Variants in PCNX2 observed in about 807,000 individuals in gnomAD.
PCNX2 encodes pecanex 2.
A neutral mutation model predicts 223.8 loss-of-function variants in PCNX2; 168 were observed. The ratio of observed to expected loss-of-function variants is 0.75; its 90% CI spans 0.66 to 0.85. The LOEUF (loss-of-function observed/expected upper bound fraction) is 0.85. PCNX2 is among the 40% of genes least tolerant of loss of function. PCNX2 has a pLI of 0.00. For synonymous variants in PCNX2, 1,006 were observed against 1,052.6 expected (o/e 0.96, Z 0.86); for missense variants, 2,507 against 2,675.5 (o/e 0.94, Z 1.39).
At position 233,227,210 on chromosome 1, in the gene PCNX2, A is replaced by C; in HGVS notation, c.2504+16T>G. 6.2e-7 allele frequency: 1 copy of C among 1,608,886 alleles called. No individual in the cohort carries two copies. On this transcript the variant is annotated intron_variant, in intron 10 of 33. Transcript: ENST00000258229. Reference sequence around the variant, plus strand: ...GTGTGCCTTCCGACAGTGTGTGTGCATGCTCAGTGGCTTACCGATCAAGTA... The same window carrying C: ...GTGTGCCTTCCGACAGTGTGTGTGCCTGCTCAGTGGCTTACCGATCAAGTA...
intron 21 of PCNX2, among the ~76,000 whole-genome samples, chr1:233,109,680 A>C (rs1675000361): frequency 1.3e-5 from 2 of 152,234 alleles, no homozygotes; most frequent in South Asian, 4.1e-4. Context: ...GAGTATCCAA[A>C]ACCTTCAGAG....
At position 233,091,728 on chromosome 1, in the gene PCNX2, C is replaced by T. The variant is rs1342046981; in HGVS notation, c.3947-1538G>A. On this transcript the variant is annotated intron_variant, in intron 22 of 33. Coordinates refer to ENST00000258229, the MANE Select transcript of PCNX2 (RefSeq NM_014801.4). ...AGCCTGGGCAACAGAGTGAGACCCT[C>T]CCTCAAAAAAAAAAAAAAAAATCAT... 1.0e-4 allele frequency among the ~76,000 whole-genome samples: 9 copies of T among 85,966 alleles called. No individual in the cohort carries two copies. The South Asian group carries it at 3.5e-3, about 34-fold the overall frequency. 56.4% of individuals were successfully genotyped at this position (85,966 alleles called of 152,430 possible).
In PCNX2 at chr1:233,262,097, CGGA is replaced by C; in HGVS notation, c.425_427del (p.Leu142del). 1 of 1,613,820 alleles carries C rather than the reference CGGA, an allele frequency of 6.2e-7. No individual in the cohort carries two copies. Among genetic ancestry groups the C allele is most frequent in the Non-Finnish European group, 8.5e-7 (1 of 1,179,776 alleles). ...TATGCTTTGCCCTCTGGAGCTGCAG[CGGA>C]GGGGAGGCGTGGAGAGGTTTCGACT... On this transcript the variant is annotated inframe_deletion, in exon 3 of 34. Coordinates refer to ENST00000258229, the MANE Select transcript of PCNX2 (RefSeq NM_014801.4).
At chr1:233,281,871 C>T (rs544007807) in intron 1 of PCNX2, among the ~76,000 whole-genome samples, 2 of 152,260 alleles carry the variant, frequency 1.3e-5, no homozygotes, top group East Asian at 1.9e-4. Context: ...AGATTATCTG[C>T]TATGTATAAA....
the PCNX2 span, among the ~76,000 whole-genome samples, chr1:233,317,063 A>C: frequency 1.3e-3 from 199 of 152,304 alleles, 1 homozygote; most frequent in African/African-American, 4.5e-3. Context: ...AACCAAGTGA[A>C]TATTCTTATT....
chr1:233,032,624 A>G (rs944519741), intron 25 of PCNX2, among the ~76,000 whole-genome samples: 3 of 150,476 alleles, frequency 2.0e-5, no homozygotes, highest in African/African-American at 7.4e-5. Context: ...GGCTGATTGC[A>G]TGAGTATGTG....
intron 15 of PCNX2, 67 bp downstream of exon 15, chr1:233,198,871 AT>A: frequency 1.4e-6 from 2 of 1,412,502 alleles, no homozygotes; most frequent in Non-Finnish European, 9.8e-7. Context: ...AAAAACATTC[AT>A]TTGTTTAAAA....
rs1463399004 is a variant in PCNX2, at chr1:233,054,343, G to A, written c.4276C>T (p.Leu1426Phe). ...TCAATCAGGTGAACAAAGGCATTGA[G>A]GTCATCTGAAGCCAAAATAAAGCAA... Reference protein sequence around the residue: ...GDCFILASDDLNAFVHLIEIG... With the variant: ...GDCFILASDDFNAFVHLIEIG... Residue 1426 changes from leucine (L) to phenylalanine (F), a missense_variant, in exon 25 of 34, where the codon CTC (leucine) becomes TTC (phenylalanine). This residue lies in a region of PCNX2 where 1,372 missense variants were observed against 1,509.4 expected (regional missense o/e 0.91). Transcript: ENST00000258229. 1.9e-6 allele frequency: 3 copies of A among 1,613,778 alleles called. No individual in the cohort carries two copies. Among genetic ancestry groups the A allele is most frequent in the Non-Finnish European group, 2.5e-6 (3 of 1,179,888 alleles).
chr1:233,159,139 T>G (rs1231518121), intron 19 of PCNX2, among the ~76,000 whole-genome samples: 1 of 152,180 alleles, frequency 6.6e-6, no homozygotes, highest in Non-Finnish European at 1.5e-5. Flanking sequence ...GAGAGAAGTC[T>G]GAGTTACCCT....
At chr1:233,197,627 C>T (rs12036421) in intron 15 of PCNX2, among the ~76,000 whole-genome samples, 10,506 of 152,148 alleles carry the variant, frequency 0.069, 611 homozygotes, top group East Asian at 0.32. Flanking sequence ...AGGCCCCTCC[C>T]CTTTTTTTCT....
chr1:233,087,912 C>T (rs1202670034), intron 23 of PCNX2, among the ~76,000 whole-genome samples: 1 of 152,192 alleles, frequency 6.6e-6, no homozygotes, highest in Non-Finnish European at 1.5e-5. Flanking sequence ...AGACACCCCA[C>T]ACACACATAC....
intron 23 of PCNX2, among the ~76,000 whole-genome samples, chr1:233,077,731 T>C (rs1273611143): frequency 6.6e-6 from 1 of 152,122 alleles, no homozygotes; most frequent in Non-Finnish European, 1.5e-5. Flanking sequence ...AAAAGAAATA[T>C]AAATATTAAA....
upstream of PCNX2, among the ~76,000 whole-genome samples, chr1:233,297,355 A>C (rs1662180534): frequency 2.0e-5 from 3 of 152,236 alleles, no homozygotes; most frequent in Admixed American, 6.5e-5. Context: ...TGAAGGAGTT[A>C]ATAAACCACA....
At chr1:233,302,516 AT>A in the PCNX2 span, among the ~76,000 whole-genome samples, 22 of 151,480 alleles carry the variant, frequency 1.5e-4, no homozygotes, top group Non-Finnish European at 2.2e-4. Context: ...TTATCAAATG[AT>A]TTTTTTTAAT....
chr1:233,322,294 C>T, the PCNX2 span, among the ~76,000 whole-genome samples: 1 of 152,148 alleles, frequency 6.6e-6, no homozygotes, highest in Non-Finnish European at 1.5e-5. Flanking sequence ...GTGGATTGTG[C>T]TGGACTCGAA....
chr1:233,224,733 T>A (rs998209899), intron 10 of PCNX2, among the ~76,000 whole-genome samples: 1 of 152,134 alleles, frequency 6.6e-6, no homozygotes. Flanking sequence ...CTTATTTTAA[T>A]TGACTCTAAA....
At chr1:233,175,957 G>T (rs16858797) in intron 17 of PCNX2, among the ~76,000 whole-genome samples, 7,119 of 152,186 alleles carry the variant, frequency 0.047, 444 homozygotes, top group African/African-American at 0.15. Context: ...TCTTGAAATG[G>T]CAGACTGCAA....
At position 233,079,035 on chromosome 1, in the gene PCNX2, A is replaced by C. The variant is rs549484730; in HGVS notation, c.4076+11026T>G. On this transcript the variant is annotated intron_variant, in intron 23 of 33. Transcript: ENST00000258229. ...CTAGGTGAGGAAATCTGAGGCAGAGAAGGGAAGTGGAAGGACCAGCCTAAG... is the reference window on the plus strand; with the variant it reads ...CTAGGTGAGGAAATCTGAGGCAGAGCAGGGAAGTGGAAGGACCAGCCTAAG... Among the ~76,000 whole-genome samples the C allele has an allele frequency of 2.4e-4, 36 of 152,232 alleles. No individual in the cohort carries two copies. The Middle Eastern group carries it at 0.01, about 43-fold the overall frequency.
chr1:233,321,356 G>T, the PCNX2 span, among the ~76,000 whole-genome samples: 2 of 152,128 alleles, frequency 1.3e-5, no homozygotes, highest in African/African-American at 4.8e-5. Flanking sequence ...GGAGTTCAGT[G>T]ACATGATCTC....
Sources: allele counts gnomAD v4.1 joint callset (sites outside exome capture counted in the v4.1 genomes callset), GRCh38; gene constraint gnomAD v4.1.1; regional missense constraint gnomAD v4.1.1; transcripts MANE v1.5; gene names NCBI Gene and HGNC (gene_info 2026-07-23, HGNC 2026-07-21).